Variants in TMEM126B observed in about 807,000 individuals in gnomAD.
TMEM126B encodes transmembrane protein 126B.
TMEM126B carries 19 observed loss-of-function variants against 16.5 expected under a neutral mutation model. That is an observed-to-expected ratio of 1.15 (90% CI 0.80 to 1.69). The LOEUF (loss-of-function observed/expected upper bound fraction) is 1.69, where lower values mean the gene tolerates loss of function less well. Among genes scored for constraint, TMEM126B ranks in the 40% most tolerant of loss-of-function variants. TMEM126B has a pLI of 0.00. For synonymous variants in TMEM126B, 104 were observed against 93.2 expected (o/e 1.12, Z -0.67); for missense variants, 293 against 278.7 (o/e 1.05, Z -0.37).
upstream of TMEM126B, chr11:85,628,582 A>T (rs1565786423): frequency 3.7e-5 from 57 of 1,534,966 alleles, no homozygotes; most frequent in Non-Finnish European, 5.0e-5. Context: ...GTCCCCGCCC[A>T]CCGGCAAGTC....
chr11:85,635,906 G>T, intron 4 of TMEM126B, 128 bp downstream of exon 4: 1 of 1,085,254 alleles, frequency 9.2e-7, no homozygotes, highest in Non-Finnish European at 1.3e-6. Context: ...TGGTAGTTTG[G>T]TATTTCAGAT....
At chr11:85,632,403 C>A (rs769657371) in intron 2 of TMEM126B, among the ~76,000 whole-genome samples, 3 of 152,092 alleles carry the variant, frequency 2.0e-5, no homozygotes, top group Non-Finnish European at 4.4e-5. Flanking sequence ...ACCACCACAA[C>A]CAGCTAATTT....
At position 85,631,641 on chromosome 11, in the gene TMEM126B, A is replaced by T. The variant is rs748599740; in HGVS notation, c.82-46A>T. On this transcript the variant is annotated intron_variant, in intron 1 of 4. Coordinates refer to ENST00000358867, the MANE Select transcript of TMEM126B (RefSeq NM_018480.7). ...GTAGAATTCTGTAAGGTTTTATGTA[A>T]TATGAATATCATTAGCTATTATGGC... is the stretch of plus-strand genomic sequence containing the variant. 47 of 1,573,902 alleles carry T rather than the reference A, an allele frequency of 3.0e-5. 1 individual carries two copies. The South Asian group carries it at 5.3e-4, about 18-fold the overall frequency.
Position 85,628,617 on chromosome 11 carries a change from T to G in TMEM126B, c.10T>G (p.Phe4Val), listed in dbSNP as rs1460482885. The change falls in exon 1 of 5, where the codon TTC (phenylalanine) becomes GTC (valine). Residue 4 changes from phenylalanine (F) to valine (V), a missense_variant. Phe to Val is a conservative substitution (Grantham distance 50). Coordinates refer to ENST00000358867, the MANE Select transcript of TMEM126B (RefSeq NM_018480.7). The part of the protein sequence containing the change: MVV[F>V]GYEAGTKPRD... Reference sequence around the variant, plus strand: ...CACATGAGCCACCAAAATGGTGGTGTTCGGGTATGAGGCTGGGACTAAGCC... The same window carrying G: ...CACATGAGCCACCAAAATGGTGGTGGTCGGGTATGAGGCTGGGACTAAGCC... The G allele has an allele frequency of 1.4e-5, 22 of 1,535,912 alleles. No homozygotes were observed. The highest frequency in any genetic ancestry group is 1.8e-5 in the Non-Finnish European group (21 of 1,146,870).
chr11:85,629,289 T>G (rs752639382), intron 1 of TMEM126B: 30 of 1,236,912 alleles, frequency 2.4e-5, no homozygotes, highest in Non-Finnish European at 3.0e-5. Context: ...GGTGAAAAAT[T>G]TATTATTAGG....
At position 85,631,823 on chromosome 11, in the gene TMEM126B, C is replaced by T; in HGVS notation, c.203+15C>T. The T allele has an allele frequency of 6.3e-7, 1 of 1,585,810 alleles. No homozygotes were observed. Among genetic ancestry groups the T allele is most frequent in the Non-Finnish European group, 8.5e-7 (1 of 1,173,076 alleles). On this transcript the variant is annotated intron_variant, in intron 2 of 4. Coordinates refer to ENST00000358867, the MANE Select transcript of TMEM126B (RefSeq NM_018480.7). Reference sequence around the variant, plus strand: ...AGAAAAGAAATGTAAGAGAAATGCCCAGGCTGAAAATCAGTCATTTTATTT... The same window carrying T: ...AGAAAAGAAATGTAAGAGAAATGCCTAGGCTGAAAATCAGTCATTTTATTT...
At chr11:85,629,125 T>C (rs1000960160) in intron 1 of TMEM126B, 1 of 863,984 alleles carries the variant, frequency 1.2e-6, no homozygotes, top group African/African-American at 1.7e-5. Context: ...TGTGTTTAAA[T>C]TGCCAGCTTT....
At chr11:85,633,334 G>A (rs1161282053) in intron 2 of TMEM126B, among the ~76,000 whole-genome samples, 1 of 151,786 alleles carries the variant, frequency 6.6e-6, no homozygotes, top group Non-Finnish European at 1.5e-5. Context: ...GGGATGGCTG[G>A]GTCAAATGGT....
chr11:85,631,430 T>C, intron 1 of TMEM126B: 1 of 923,752 alleles, frequency 1.1e-6, no homozygotes, highest in Non-Finnish European at 1.4e-6. Context: ...AGTGTGTAAA[T>C]CAGAAAGCCA....
chr11:85,632,877 G>A (rs956975625), intron 2 of TMEM126B, among the ~76,000 whole-genome samples: 7 of 151,848 alleles, frequency 4.6e-5, no homozygotes, highest in Non-Finnish European at 8.8e-5. Flanking sequence ...ATGTATACAT[G>A]TGCCATGCTG....
At chr11:85,634,047 A>C (rs2082353263) in intron 2 of TMEM126B, 39 bp from the exon 3 acceptor site, 1 of 1,476,270 alleles carries the variant, frequency 6.8e-7, no homozygotes, top group Admixed American at 1.8e-5. Context: ...CATTAAGTTC[A>C]ATGGTATAGT....
At chr11:85,631,951 T>A (rs1017166274) in intron 2 of TMEM126B, 143 bp downstream of exon 2, 9 of 722,864 alleles carry the variant, frequency 1.2e-5, no homozygotes, top group South Asian at 2.9e-5. Context: ...AACACATCTT[T>A]AAAAAAAAGA....
At chr11:85,634,414 T>A in intron 3 of TMEM126B, 135 bp downstream of exon 3, 1 of 652,582 alleles carries the variant, frequency 1.5e-6, no homozygotes, top group South Asian at 2.2e-5. Flanking sequence ...CCATATACCT[T>A]GTCATATTTA....
At position 85,636,415 on chromosome 11, in the gene TMEM126B, TAAG is replaced by T; in HGVS notation, c.*188_*190del. On this transcript the variant is annotated 3_prime_UTR_variant, in exon 5 of 5. Transcript: ENST00000358867. Reference sequence around the variant, plus strand: ...ATAAATATAAGTTTCATCTTACACGTAAGATACAGGTCTTATCTCCTGATGGTG... The same window carrying T: ...ATAAATATAAGTTTCATCTTACACGTATACAGGTCTTATCTCCTGATGGTG... 2.6e-6 allele frequency: 1 copy of T among 386,596 alleles called. No homozygotes were observed. The highest frequency in any genetic ancestry group is 4.6e-6 in the Non-Finnish European group (1 of 219,136). 23.9% of individuals were successfully genotyped at this position (386,596 alleles called of 1,614,324 possible). A position where few individuals can be genotyped will look rare whatever the true frequency, so the allele number is the denominator to read the frequency against.
At position 85,631,674 on chromosome 11, in the gene TMEM126B, T is replaced by C; in HGVS notation, c.82-13T>C. 3 of 1,583,088 alleles carry C rather than the reference T, an allele frequency of 1.9e-6. No homozygotes were observed. Among genetic ancestry groups the C allele is most frequent in the South Asian group, 1.1e-5 (1 of 87,508 alleles). ...ATCATTAGCTATTATGGCTCTGGAA[T>C]TTTTTTTTCCAGGTTTTCAAGATGG... On this transcript the variant is annotated splice_polypyrimidine_tract_variant and intron_variant, in intron 1 of 4. Coordinates refer to ENST00000358867, the MANE Select transcript of TMEM126B (RefSeq NM_018480.7).
At chr11:85,630,111 G>A (rs1307123339) in intron 1 of TMEM126B, among the ~76,000 whole-genome samples, 1 of 152,204 alleles carries the variant, frequency 6.6e-6, no homozygotes, top group African/African-American at 2.4e-5. Context: ...TATTCAACAT[G>A]TGTCCATTGA....
Position 85,628,603 on chromosome 11 carries a change from C to T in TMEM126B, c.-5C>T. 4 of 1,536,032 alleles carry T rather than the reference C, an allele frequency of 2.6e-6. No individual in the cohort carries two copies. The highest frequency in any genetic ancestry group is 2.4e-5 in the East Asian group (1 of 40,904). On this transcript the variant is annotated 5_prime_UTR_variant, in exon 1 of 5. Coordinates refer to ENST00000358867, the MANE Select transcript of TMEM126B (RefSeq NM_018480.7). The stretch of plus-strand genomic sequence containing the variant: ...GCCCACCGGCAAGTCACATGAGCCA[C>T]CAAAATGGTGGTGTTCGGGTATGAG...
At chr11:85,635,952 G>C in intron 4 of TMEM126B, 94 bp from the exon 5 acceptor site, 1 of 1,354,598 alleles carries the variant, frequency 7.4e-7, no homozygotes, top group East Asian at 2.4e-5. Context: ...CTACATTATA[G>C]ATCTAGAAAG....
intron 2 of TMEM126B, 55 bp from the exon 3 acceptor site, chr11:85,634,031 T>C: frequency 3.2e-6 from 4 of 1,242,384 alleles, no homozygotes; most frequent in Non-Finnish European, 3.4e-6. Context: ...CAGGAGAGGC[T>C]GTATCCATTA....
Sources: allele counts gnomAD v4.1 joint callset (sites outside exome capture counted in the v4.1 genomes callset), GRCh38; gene constraint gnomAD v4.1.1; transcripts MANE v1.5; gene names NCBI Gene and HGNC (gene_info 2026-07-23, HGNC 2026-07-21).